MCTP2: variants seen among roughly 807,000 people sequenced by gnomAD.
MCTP2 encodes multiple C2 and transmembrane domain-containing protein 2.
Under a neutral mutation model 111.6 loss-of-function variants are expected in MCTP2, and 132 were observed. That is an observed-to-expected ratio of 1.18 (90% CI 1.03 to 1.37). The LOEUF is 1.37. Ranked by LOEUF, MCTP2 falls within the 40% of genes most tolerant of loss-of-function variation. MCTP2 has a pLI of 0.00. For missense variants in MCTP2, 1,183 were observed against 1,067.9 expected (o/e 1.11, Z -1.50); for synonymous variants, 395 against 387.7 (o/e 1.02, Z -0.22).
intron 20 of MCTP2, among the ~76,000 whole-genome samples, chr15:94,465,312 A>C (rs1212212545): frequency 6.6e-6 from 1 of 152,020 alleles, no homozygotes; most frequent in African/African-American, 2.4e-5. Context: ...GATGTCTGAA[A>C]TCATGGATAG....
chr15:94,310,034 CTGAG>C (rs778238364), intron 2 of MCTP2, among the ~76,000 whole-genome samples: 23 of 152,226 alleles, frequency 1.5e-4, no homozygotes, highest in Non-Finnish European at 2.8e-4. Context: ...ATTTCTCTTC[CTGAG>C]TATGTACTTG....
intron 21 of MCTP2, among the ~76,000 whole-genome samples, chr15:94,471,926 G>A (rs1405149137): frequency 6.6e-6 from 1 of 152,180 alleles, no homozygotes; most frequent in Non-Finnish European, 1.5e-5. Context: ...TAACCAGAAT[G>A]TGATTAAAAA....
At chr15:94,408,497 A>G (rs982728903) in intron 17 of MCTP2, among the ~76,000 whole-genome samples, 2 of 152,224 alleles carry the variant, frequency 1.3e-5, no homozygotes, top group Non-Finnish European at 2.9e-5. Flanking sequence ...AAAATGTTTT[A>G]AAGTTTTTTT....
chr15:94,471,426 T>C (rs1424695), intron 21 of MCTP2, among the ~76,000 whole-genome samples: 84,945 of 152,054 alleles, frequency 0.56, 23,953 homozygotes, highest in Non-Finnish European at 0.6. Context: ...CCATTAAATA[T>C]AGACTTTTTC....
Position 94,358,570 on chromosome 15 carries a change from T to G in MCTP2, c.1259T>G (p.Val420Gly). 1 of 1,613,762 alleles carries G rather than the reference T, an allele frequency of 6.2e-7. No individual in the cohort carries two copies. Among genetic ancestry groups the G allele is most frequent in the South Asian group, 1.1e-5 (1 of 91,090 alleles). ...AGGATGGGCATTTTGGACATTGAAGTGTGGGGAAAGGACAACAAAAAGCAT... is the reference window on the plus strand; with the variant it reads ...AGGATGGGCATTTTGGACATTGAAGGGTGGGGAAAGGACAACAAAAAGCAT... ...SDRMGILDIEVWGKDNKKHEE... is the reference protein window; with the variant it reads ...SDRMGILDIEGWGKDNKKHEE... Residue 420 changes from valine (V) to glycine (G), a missense_variant, in exon 10 of 23, where the codon GTG becomes GGG. Coordinates refer to ENST00000357742, the MANE Select transcript of MCTP2 (RefSeq NM_001385001.1).
chr15:94,320,141 CTTTTTTT>C (rs71135503), intron 4 of MCTP2, among the ~76,000 whole-genome samples: 29,131 of 118,286 alleles, frequency 0.25, 2,983 homozygotes, highest in Middle Eastern at 0.37. Context: ...GTTTATTAAT[CTTTTTTT>C]TTTTTTTTTT....
chr15:94,336,912 C>T (rs1036848921), intron 4 of MCTP2, among the ~76,000 whole-genome samples: 2 of 151,940 alleles, frequency 1.3e-5, no homozygotes, highest in African/African-American at 4.8e-5. Context: ...ATGGAGGCAC[C>T]GTCTCTGGAC....
At chr15:94,451,672 T>G (rs1047557429) in intron 19 of MCTP2, among the ~76,000 whole-genome samples, 1 of 152,214 alleles carries the variant, frequency 6.6e-6, no homozygotes, top group Non-Finnish European at 1.5e-5. Flanking sequence ...ACAGCAGATG[T>G]AATGTTGTGT....
chr15:94,458,693 G>A (rs1439559700), intron 20 of MCTP2, among the ~76,000 whole-genome samples: 1 of 152,084 alleles, frequency 6.6e-6, no homozygotes, highest in Non-Finnish European at 1.5e-5. Context: ...CACCATAGAT[G>A]GATAAATGTG....
intron 4 of MCTP2, among the ~76,000 whole-genome samples, chr15:94,331,727 A>G (rs1180064540): frequency 6.6e-6 from 1 of 152,168 alleles, no homozygotes; most frequent in Non-Finnish European, 1.5e-5. Context: ...GCTTGGAGCT[A>G]TTACATCTCA....
intron 1 of MCTP2, among the ~76,000 whole-genome samples, chr15:94,246,571 C>T (rs1391346505): frequency 6.6e-6 from 1 of 152,084 alleles, no homozygotes; most frequent in Non-Finnish European, 1.5e-5. Flanking sequence ...CTTAATAGAA[C>T]CTAATAATTG....
chr15:94,389,960 A>G (rs1038170141), intron 14 of MCTP2, among the ~76,000 whole-genome samples: 4 of 151,128 alleles, frequency 2.6e-5, no homozygotes, highest in South Asian at 2.1e-4. Context: ...CAAATTCACT[A>G]TATCTTTTTA....
intron 19 of MCTP2, among the ~76,000 whole-genome samples, chr15:94,450,187 A>G (rs1021111809): frequency 2.0e-5 from 3 of 152,242 alleles, no homozygotes; most frequent in African/African-American, 7.2e-5. Context: ...ATATAAAACC[A>G]CTTAGAAATG....
In MCTP2 at chr15:94,237,414, G is replaced by A. The variant is rs553708097; in HGVS notation, c.-66+5750G>A. Among the ~76,000 whole-genome samples the A allele has an allele frequency of 8.6e-5, 13 of 151,246 alleles. 1 individual carries two copies. In the South Asian group the frequency reaches 1.9e-3, roughly 22 times the overall value. On this transcript the variant is annotated intron_variant, in intron 1 of 22. Transcript: ENST00000357742. ...GAAAAGCAAACAAGGGCCATTGAAA[G>A]CAGTTGAGGACAGGACTAAACTCGG...
chr15:94,444,487 C>G, intron 19 of MCTP2, among the ~76,000 whole-genome samples: 1 of 152,198 alleles, frequency 6.6e-6, no homozygotes, highest in East Asian at 1.9e-4. Flanking sequence ...GGGTGATTCT[C>G]CTGGCCACCA....
At chr15:94,369,884 C>G (rs2079394319) in intron 11 of MCTP2, among the ~76,000 whole-genome samples, 1 of 152,060 alleles carries the variant, frequency 6.6e-6, no homozygotes, top group Non-Finnish European at 1.5e-5. Context: ...CTGTCGTTAA[C>G]TAATTCTCAG....
In MCTP2 at chr15:94,234,638, C is replaced by T. The variant is rs139025470; in HGVS notation, c.-66+2974C>T. On this transcript the variant is annotated intron_variant, in intron 1 of 22. Coordinates refer to ENST00000357742, the MANE Select transcript of MCTP2 (RefSeq NM_001385001.1). Reference sequence around the variant, plus strand: ...AGACACTCTGGACACTCATGTCCAACGAACAATTCTGAGAGCTGGTCTTCA... The same window carrying T: ...AGACACTCTGGACACTCATGTCCAATGAACAATTCTGAGAGCTGGTCTTCA... Among the ~76,000 whole-genome samples, 5 of 152,300 alleles carry T rather than the reference C, an allele frequency of 3.3e-5. No individual in the cohort carries two copies. In the East Asian group the frequency reaches 5.8e-4, roughly 18 times the overall value.
chr15:94,261,477 T>C (rs1472868443), intron 1 of MCTP2, among the ~76,000 whole-genome samples: 2 of 152,206 alleles, frequency 1.3e-5, no homozygotes, highest in Non-Finnish European at 2.9e-5. Flanking sequence ...CTGTAATGTA[T>C]AAAGTAGGGG....
chr15:94,440,384 G>A, intron 18 of MCTP2, 86 bp downstream of exon 18: 1 of 1,558,634 alleles, frequency 6.4e-7, no homozygotes, highest in Non-Finnish European at 8.7e-7. Context: ...CATGGCCCAA[G>A]TCCATTTCGT....
Sources: gnomAD v4.1 joint callset for allele counts (sites outside exome capture counted in the v4.1 genomes callset) on GRCh38, gnomAD v4.1.1 for gene constraint, MANE v1.5 for transcripts, NCBI Gene and HGNC (gene_info 2026-07-23, HGNC 2026-07-21) for gene names.